PTER: variants seen among roughly 807,000 people sequenced by gnomAD.
PTER encodes N-acetyltaurine hydrolase.
A neutral mutation model predicts 29.6 loss-of-function variants in PTER; 38 were observed. That is an observed-to-expected ratio of 1.28 (90% CI 0.99 to 1.68). PTER has a LOEUF of 1.68. PTER is among the 40% of genes most tolerant of loss of function. PTER has a pLI of 0.00. For synonymous variants in PTER, 172 were observed against 154.5 expected (o/e 1.11, Z -0.84); for missense variants, 482 against 427.8 (o/e 1.13, Z -1.12).
At chr10:16,510,663 C>A (rs536133879) in intron 4 of PTER, among the ~76,000 whole-genome samples, 3 of 152,224 alleles carry the variant, frequency 2.0e-5, no homozygotes, top group South Asian at 4.2e-4. Flanking sequence ...GAAAAATGGG[C>A]CCACAGGGAG....
At chr10:16,480,039 A>T (rs546843760) in intron 1 of PTER, among the ~76,000 whole-genome samples, 1 of 138,412 alleles carries the variant, frequency 7.2e-6, no homozygotes, top group African/African-American at 2.6e-5. Flanking sequence ...GTCATGGCAA[A>T]GACCGTGATT....
At chr10:16,482,672 C>G (rs1008710078) in intron 1 of PTER, among the ~76,000 whole-genome samples, 1 of 152,162 alleles carries the variant, frequency 6.6e-6, no homozygotes, top group Non-Finnish European at 1.5e-5. Context: ...TTCTTCAGTT[C>G]CCAGAGTCTG....
intron 1 of PTER, among the ~76,000 whole-genome samples, chr10:16,469,662 G>A (rs1053671699): frequency 6.6e-6 from 1 of 152,092 alleles, no homozygotes; most frequent in African/African-American, 2.4e-5. Context: ...TCATAGCCTC[G>A]AGTCCAGGCT....
At chr10:16,444,534 G>A (rs972647730) in intron 1 of PTER, among the ~76,000 whole-genome samples, 4 of 151,868 alleles carry the variant, frequency 2.6e-5, no homozygotes, top group Non-Finnish European at 5.9e-5. Flanking sequence ...GTTGGCTCCT[G>A]GCACAGGGAT....
intron 1 of PTER, among the ~76,000 whole-genome samples, chr10:16,443,974 G>C (rs1340386750): frequency 6.6e-6 from 1 of 151,444 alleles, no homozygotes; most frequent in African/African-American, 2.4e-5. Context: ...TGTGAGAAAA[G>C]ATGTGAGCCT....
At chr10:16,471,129 G>A (rs1473970085) in intron 1 of PTER, among the ~76,000 whole-genome samples, 3 of 152,122 alleles carry the variant, frequency 2.0e-5, no homozygotes, top group Non-Finnish European at 4.4e-5. Flanking sequence ...CAAACAGCTT[G>A]AATTGAATTA....
chr10:16,443,926 C>A (rs915819125), intron 1 of PTER, among the ~76,000 whole-genome samples: 5 of 151,476 alleles, frequency 3.3e-5, no homozygotes, highest in Admixed American at 1.3e-4. Context: ...TTGTGTCTTA[C>A]AATTATCACG....
chr10:16,502,582 G>A (rs530347557), intron 3 of PTER, among the ~76,000 whole-genome samples: 149 of 152,178 alleles, frequency 9.8e-4, no homozygotes, highest in Non-Finnish European at 1.8e-3. Context: ...GCCAGCCAGG[G>A]TATGATAGCT....
Position 16,484,389 on chromosome 10 carries a change from C to A in PTER, c.5C>A (p.Ser2Tyr). 1 of 1,576,696 alleles carries A rather than the reference C, an allele frequency of 6.3e-7. No individual in the cohort carries two copies. The highest frequency in any genetic ancestry group is 8.6e-7 in the Non-Finnish European group (1 of 1,167,226). M[S>Y]SLSGKVQTVL... is the part of the protein sequence containing the mutation. Reference sequence around the variant, plus strand: ...CTCTTGGTGGTACCATCAGAAATGTCTTCCTTAAGTGGAAAAGTCCAAACC... The same window carrying A: ...CTCTTGGTGGTACCATCAGAAATGTATTCCTTAAGTGGAAAAGTCCAAACC... The change falls in exon 2 of 5, where the codon TCT becomes TAT. Residue 2 changes from serine to tyrosine, a missense_variant. Ser to Tyr is a moderately radical substitution (Grantham distance 144). Transcript: ENST00000535784.
chr10:16,459,681 G>T (rs111822612), intron 1 of PTER, among the ~76,000 whole-genome samples: 1 of 152,084 alleles, frequency 6.6e-6, no homozygotes, highest in Non-Finnish European at 1.5e-5. Flanking sequence ...GTTTTTGTTA[G>T]TAAGTATTTG....
chr10:16,438,676 C>T (rs1444480433), intron 1 of PTER, among the ~76,000 whole-genome samples: 1 of 150,152 alleles, frequency 6.7e-6, no homozygotes, highest in Non-Finnish European at 1.5e-5. Context: ...ACCTGTAATC[C>T]CGGCACTTTG....
intron 1 of PTER, among the ~76,000 whole-genome samples, chr10:16,469,904 T>C (rs915108319): frequency 9.6e-6 from 1 of 104,302 alleles, no homozygotes; most frequent in Non-Finnish European, 1.7e-5. Context: ...TTTTTTTGTT[T>C]TTTTTTTTAA....
At chr10:16,484,268 T>C (rs1255009428) in intron 1 of PTER, 69 bp from the exon 2 acceptor site, 2 of 1,058,464 alleles carry the variant, frequency 1.9e-6, no homozygotes, top group East Asian at 4.8e-5. Context: ...TCCCACCCCT[T>C]ACGGACAAGA....
intron 1 of PTER, among the ~76,000 whole-genome samples, chr10:16,476,901 C>G (rs992133714): frequency 1.0e-5 from 1 of 100,368 alleles, no homozygotes; most frequent in South Asian, 3.4e-4. Flanking sequence ...TCCTAGAATT[C>G]TTTTTTTTTT....
At chr10:16,474,495 G>A (rs541364256) in intron 1 of PTER, among the ~76,000 whole-genome samples, 4 of 151,910 alleles carry the variant, frequency 2.6e-5, no homozygotes, top group South Asian at 2.1e-4. Context: ...ATTATTCGGC[G>A]TTAGTCTCTA....
chr10:16,495,362 G>T (rs918961266), intron 3 of PTER, among the ~76,000 whole-genome samples: 3 of 152,060 alleles, frequency 2.0e-5, no homozygotes, highest in Non-Finnish European at 4.4e-5. Flanking sequence ...TAGAGACGAG[G>T]TTTTGCCATG....
At chr10:16,463,208 A>G (rs1054466035) in intron 1 of PTER, among the ~76,000 whole-genome samples, 67 of 148,114 alleles carry the variant, frequency 4.5e-4, no homozygotes, top group African/African-American at 1.6e-3. Context: ...TAAAAAAAAA[A>G]AAAAAAAAAA....
rs974077883 is a variant in PTER, at chr10:16,487,290, G to A, written c.698+673G>A. Among the ~76,000 whole-genome samples the A allele has an allele frequency of 6.6e-5, 10 of 152,246 alleles. 1 individual carries two copies. The South Asian group carries it at 1.9e-3, about 28-fold the overall frequency. ...TGAAATGAAACTTTGTCAGGGCCCC[G>A]CTTCCTCCAAAGGCTGCAGGGAGAA... On this transcript the variant is annotated intron_variant, in intron 3 of 4. Coordinates refer to ENST00000535784, the MANE Select transcript of PTER (RefSeq NM_001261836.2).
chr10:16,492,488 TC>T (rs774522403), intron 3 of PTER, among the ~76,000 whole-genome samples: 13 of 152,164 alleles, frequency 8.5e-5, no homozygotes, highest in Non-Finnish European at 1.3e-4. Flanking sequence ...CCCACATATA[TC>T]CTTTTTGCCA....
Sources: allele counts gnomAD v4.1 joint callset (sites outside exome capture counted in the v4.1 genomes callset), GRCh38; gene constraint gnomAD v4.1.1; transcripts MANE v1.5; gene names NCBI Gene and HGNC (gene_info 2026-07-23, HGNC 2026-07-21).